The following TYW1B variants were observed in gnomAD, a reference collection of about 807,000 sequenced individuals.
The protein encoded by TYW1B is tRNA-yW synthesizing protein 1 homolog B.
Under a neutral mutation model 86.9 loss-of-function variants are expected in TYW1B, and 73 were observed. That is an observed-to-expected ratio of 0.84 (90% CI 0.70 to 1.02). The LOEUF is 1.02. Ranked by LOEUF, TYW1B falls within the 50% of genes least tolerant of loss-of-function variation. The pLI is 0.00. For synonymous variants in TYW1B, 248 were observed against 292.8 expected, an observed-to-expected ratio of 0.85 and a Z score of 1.56; for missense variants, 637 against 827.4, an observed-to-expected ratio of 0.77 and a Z score of 2.82.
chr7:72,596,867 G>A (rs1811546595), intron 13 of TYW1B, among the ~76,000 whole-genome samples: 2 of 152,022 alleles, frequency 1.3e-5, no homozygotes, highest in African/African-American at 4.8e-5. Context: ...AATTGCAAAT[G>A]ATGTATCTGG....
In TYW1B at chr7:72,628,871, G is replaced by C. The variant is rs2129568691; in HGVS notation, c.1617+16C>G. 1 of 1,572,688 alleles carries C rather than the reference G, an allele frequency of 6.4e-7. No individual in the cohort carries two copies. Among genetic ancestry groups the C allele is most frequent in the Non-Finnish European group, 8.6e-7 (1 of 1,160,024 alleles). On this transcript the variant is annotated intron_variant, in intron 12 of 13. Coordinates refer to ENST00000620995, the MANE Select transcript of TYW1B (RefSeq NM_001145440.3). Reference sequence around the variant, plus strand: ...TTGTCACTCCACCACGGCCACCAGAGTCAGCAGGGGCTTACCTTCACTTCG... The same window carrying C: ...TTGTCACTCCACCACGGCCACCAGACTCAGCAGGGGCTTACCTTCACTTCG...
intron 11 of TYW1B, among the ~76,000 whole-genome samples, chr7:72,682,059 G>A (rs1428479535): frequency 6.6e-6 from 1 of 151,492 alleles, no homozygotes; most frequent in Non-Finnish European, 1.5e-5. Context: ...TGTATTTGTA[G>A]TAGAGATGGG....
chr7:72,645,059 A>C (rs1323999320), intron 11 of TYW1B, among the ~76,000 whole-genome samples: 1 of 151,896 alleles, frequency 6.6e-6, no homozygotes, highest in East Asian at 1.9e-4. Context: ...GATCTCCTGA[A>C]CTCATGATCC....
intron 8 of TYW1B, among the ~76,000 whole-genome samples, chr7:72,738,155 A>G (rs1787233881): frequency 6.9e-6 from 1 of 145,352 alleles, no homozygotes; most frequent in Non-Finnish European, 1.5e-5. Context: ...ATCTCAGCTC[A>G]CTGCAACCTC....
intron 10 of TYW1B, among the ~76,000 whole-genome samples, chr7:72,706,469 C>G (rs1814619233): frequency 6.7e-6 from 1 of 149,974 alleles, no homozygotes; most frequent in African/African-American, 2.5e-5. Flanking sequence ...ATTCTCTCCT[C>G]TCTCAAAAGT....
At chr7:72,639,245 A>T (rs1236975476) in intron 11 of TYW1B, among the ~76,000 whole-genome samples, 5 of 147,352 alleles carry the variant, frequency 3.4e-5, no homozygotes, top group Non-Finnish European at 7.5e-5. Flanking sequence ...ATTTTTTTAA[A>T]TTTTTTTTAA....
intron 8 of TYW1B, 66 bp from the exon 9 acceptor site, chr7:72,728,997 T>A: frequency 2.1e-6 from 3 of 1,458,114 alleles, no homozygotes; most frequent in Non-Finnish European, 2.8e-6. Flanking sequence ...TCATTTATGA[T>A]GAAGTCGTCC....
chr7:72,765,974 C>T (rs1339316147), intron 7 of TYW1B, among the ~76,000 whole-genome samples: 1 of 152,196 alleles, frequency 6.6e-6, no homozygotes, highest in African/African-American at 2.4e-5. Context: ...CTTAATGCTA[C>T]TTTTCTCACT....
intron 11 of TYW1B, among the ~76,000 whole-genome samples, chr7:72,665,222 A>G (rs1219306511): frequency 6.6e-6 from 1 of 152,258 alleles, no homozygotes; most frequent in Non-Finnish European, 1.5e-5. Context: ...CCCTTCTTGT[A>G]CACATCTTTG....
intron 6 of TYW1B, among the ~76,000 whole-genome samples, chr7:72,798,200 G>A (rs1183563223): frequency 5.3e-5 from 8 of 151,972 alleles, no homozygotes; most frequent in South Asian, 2.1e-4. Context: ...TCAGGAGATC[G>A]AGACCACGGT....
intron 6 of TYW1B, among the ~76,000 whole-genome samples, chr7:72,783,529 T>G (rs1429418836): frequency 6.6e-6 from 1 of 152,196 alleles, no homozygotes; most frequent in Non-Finnish European, 1.5e-5. Flanking sequence ...TTAATAACTT[T>G]TGCTGCAATT....
chr7:72,827,082 A>C, intron 1 of TYW1B, 97 bp from the exon 2 acceptor site: 1 of 1,431,416 alleles, frequency 7.0e-7, no homozygotes, highest in Non-Finnish European at 9.4e-7. Context: ...CCAACCTTAC[A>C]TTCAACAACC....
At chr7:72,768,189 C>T (rs1330825278) in intron 7 of TYW1B, among the ~76,000 whole-genome samples, 1 of 151,180 alleles carries the variant, frequency 6.6e-6, no homozygotes, top group Non-Finnish European at 1.5e-5. Context: ...TGCAGTGAGC[C>T]GAAATTGCAC....
Position 72,676,350 on chromosome 7 carries a change from T to C in TYW1B, c.1506+18337A>G, listed in dbSNP as rs572519556. On this transcript the variant is annotated intron_variant, in intron 11 of 13. Coordinates refer to ENST00000620995, the MANE Select transcript of TYW1B (RefSeq NM_001145440.3). ...ATTTAGTAAGAGGTTGTTTAACAGA[T>C]GTTAGCTATTAGAGCTATGATTATT... Among the ~76,000 whole-genome samples, 311 of 152,348 alleles carry C rather than the reference T, an allele frequency of 2.0e-3. 2 individuals carry two copies. The highest frequency in any genetic ancestry group is 4.4e-4 in the Non-Finnish European group (30 of 68,032).
intron 6 of TYW1B, among the ~76,000 whole-genome samples, chr7:72,798,033 A>G (rs1225646985): frequency 1.0e-3 from 91 of 89,292 alleles, no homozygotes; most frequent in South Asian, 6.8e-3. Context: ...ACACACACAC[A>G]CACACGCACA....
chr7:72,674,760 T>TC (rs550417603), intron 11 of TYW1B, among the ~76,000 whole-genome samples: 378 of 9,040 alleles, frequency 0.042, 1 homozygote, highest in Admixed American at 0.076. Context: ...CTTTTCTCTC[T>TC]TTTTTTTTTT....
chr7:72,580,024 T>C (rs1393472383), intron 13 of TYW1B, among the ~76,000 whole-genome samples: 2 of 152,112 alleles, frequency 1.3e-5, no homozygotes, highest in Non-Finnish European at 2.9e-5. Context: ...TTAATCCCAG[T>C]TGCTTCCTTT....
chr7:72,683,848 AG>A (rs1279703916), intron 11 of TYW1B, among the ~76,000 whole-genome samples: 4 of 152,232 alleles, frequency 2.6e-5, no homozygotes, highest in African/African-American at 9.6e-5. Flanking sequence ...TAAAGTACAC[AG>A]CACACAAGAA....
At chr7:72,820,976 T>G (rs577291245) in intron 2 of TYW1B, among the ~76,000 whole-genome samples, 125 of 152,208 alleles carry the variant, frequency 8.2e-4, no homozygotes, top group Admixed American at 1.8e-3. Context: ...TTAGATTTTT[T>G]TTGTTGTTGT....
Sources: gnomAD v4.1 joint callset for allele counts (sites outside exome capture counted in the v4.1 genomes callset) on GRCh38, gnomAD v4.1.1 for gene constraint, MANE v1.5 for transcripts, NCBI Gene and HGNC (gene_info 2026-07-23, HGNC 2026-07-21) for gene names.